Variants in IGF2R observed in about 807,000 individuals in gnomAD.
IGF2R encodes cation-independent mannose-6-phosphate receptor.
In IGF2R, 91 loss-of-function variants were observed where a neutral mutation model predicts 270.6. The ratio of observed to expected loss-of-function variants is 0.34; its 90% CI spans 0.28 to 0.40. The LOEUF is 0.40. IGF2R is among the 10% of genes least tolerant of loss of function. The pLI is 1.00. For synonymous variants in IGF2R, 1,316 were observed against 1,258.9 expected (o/e 1.05, Z -0.96); for missense variants, 2,805 against 3,188.3 (o/e 0.88, Z 2.90).
chr6:160,033,112 G>A lies in IGF2R; in HGVS notation c.1211+5G>A, dbSNP rs201373726. 11 of 1,604,012 alleles carry A rather than the reference G, an allele frequency of 6.9e-6. No individual in the cohort carries two copies. Among genetic ancestry groups the A allele is most frequent in the African/African-American group, 1.3e-5 (1 of 74,662 alleles). ...ATACCACAATCAGACCCTCCGGTAC[G>A]TCAACAACCTCTGTGCGATTTTCCT... is the stretch of plus-strand genomic sequence containing the variant. On this transcript the variant is annotated splice_donor_5th_base_variant and intron_variant, in intron 9 of 47. Transcript: ENST00000356956.
At chr6:160,008,590 G>A (rs913244269) in intron 2 of IGF2R, among the ~76,000 whole-genome samples, 1 of 152,182 alleles carries the variant, frequency 6.6e-6, no homozygotes, top group Non-Finnish European at 1.5e-5. Context: ...TTCAGTGGCT[G>A]AGTTATATAT....
chr6:160,093,378 G>T, intron 44 of IGF2R: 1 of 280,666 alleles, frequency 3.6e-6, no homozygotes, highest in East Asian at 8.1e-5. Flanking sequence ...CTTCCCTCTT[G>T]TTGCCGTTGC....
At position 160,102,836 on chromosome 6, in the gene IGF2R, G is replaced by A. The variant is rs1413734658; in HGVS notation, c.6995+165G>A. ...TCTGGAAGCAGTCCCCAGCGTTGTG[G>A]TTTTTAAATGCCTGCATTTCTGTCT... is the stretch of plus-strand genomic sequence containing the variant. On this transcript the variant is annotated intron_variant, in intron 46 of 47. Coordinates refer to ENST00000356956, the MANE Select transcript of IGF2R (RefSeq NM_000876.4). This position sits in a 1 kb window ranked among gnomAD's most constrained non-coding sequence, Gnocchi z 4.5. Among the ~76,000 whole-genome samples the A allele has an allele frequency of 1.3e-5, 2 of 152,176 alleles. No individual in the cohort carries two copies. Among genetic ancestry groups the A allele is most frequent in the African/African-American group, 4.8e-5 (2 of 41,444 alleles).
At position 159,969,403 on chromosome 6, in the gene IGF2R, G is replaced by C; in HGVS notation, c.149+8G>C. ...GTTCCCCGAGCTGTGCAGGTGGGTG[G>C]CCCGCCCGGACGCAGGCTCCGCTCG... On this transcript the variant is annotated splice_region_variant and intron_variant, in intron 1 of 47. Transcript: ENST00000356956. 8.2e-7 allele frequency: 1 copy of C among 1,223,118 alleles called. No individual in the cohort carries two copies. The highest frequency in any genetic ancestry group is 1.0e-6 in the Non-Finnish European group (1 of 980,942). 75.8% of individuals were successfully genotyped at this position (1,223,118 alleles called of 1,614,324 possible).
chr6:160,100,844 G>A (rs1963529), intron 45 of IGF2R, among the ~76,000 whole-genome samples: 3,507 of 108,598 alleles, frequency 0.032, 96 homozygotes, highest in East Asian at 0.12. Context: ...AGGCTGGAGT[G>A]CAGTGGTGCG....
chr6:160,004,519 A>G lies in IGF2R; in HGVS notation c.290-4491A>G, dbSNP rs1195126023. ...GGTCTGGAGGGGTCTGGCAAGCGCT[A>G]TCTGGAGCACTCAGAGGTGTGGCCT... On this transcript the variant is annotated intron_variant, in intron 2 of 47. Transcript: ENST00000356956. The surrounding 1 kb of genome is among the most constrained non-coding windows in gnomAD (Gnocchi z 5.2). 6.5e-6 allele frequency: 1 copy of G among 153,278 alleles called. No homozygotes were observed. 9.5% of individuals were successfully genotyped at this position (153,278 alleles called of 1,614,324 possible). A position where few individuals can be genotyped will look rare whatever the true frequency, so the allele number is the denominator to read the frequency against.
chr6:160,072,940 C>T, intron 33 of IGF2R, 56 bp downstream of exon 33: 2 of 1,555,348 alleles, frequency 1.3e-6, no homozygotes, highest in Non-Finnish European at 1.7e-6. Context: ...TGGGGTTGTC[C>T]TCAGTCTCTT....
chr6:160,052,143 A>T (rs555662248), intron 19 of IGF2R, among the ~76,000 whole-genome samples: 44 of 152,308 alleles, frequency 2.9e-4, no homozygotes, highest in Admixed American at 1.8e-3. Flanking sequence ...CAGAGATTGC[A>T]GTGAGCTGAG....
intron 2 of IGF2R, among the ~76,000 whole-genome samples, chr6:160,008,424 C>G (rs1447221747): frequency 1.3e-5 from 2 of 152,082 alleles, no homozygotes; most frequent in African/African-American, 4.8e-5. Context: ...CAGTTTATTC[C>G]TATGCCAACC....
rs373318367 is a variant in IGF2R, at chr6:160,010,075, T to G, written c.415-612T>G. ...CCTGTTTTAACTTCAGCTAATTTCC[T>G]TTATGAATTCTGTGTTCACCATACC... On this transcript the variant is annotated intron_variant, in intron 3 of 47. Transcript: ENST00000356956. 1.7e-4 allele frequency among the ~76,000 whole-genome samples: 26 copies of G among 152,372 alleles called. No individual in the cohort carries two copies. In the East Asian group the frequency reaches 3.5e-3, roughly 20 times the overall value.
At chr6:159,986,140 TG>T (rs1190135266) in intron 1 of IGF2R, among the ~76,000 whole-genome samples, 4 of 151,958 alleles carry the variant, frequency 2.6e-5, no homozygotes, top group Admixed American at 2.6e-4. Flanking sequence ...TCAGTTGAGA[TG>T]GAATACAGCA....
Position 160,060,614 on chromosome 6 carries a change from C to T in IGF2R, c.3159C>T (p.Phe1053=). The T allele has an allele frequency of 6.2e-7, 1 of 1,614,236 alleles. No homozygotes were observed. The highest frequency in any genetic ancestry group is 8.5e-7 in the Non-Finnish European group (1 of 1,180,032). ...NDDVYSGPLK[F]LHQDIDSGQG... is the part of the protein sequence containing the mutation. ...ATGTTTACTCAGGGCCCCTCAAATT[C>T]CTGCATCAAGATATCGACTCTGGGC... The change falls in exon 23 of 48, where the codon TTC becomes TTT. Residue 1053 remains phenylalanine, a synonymous_variant. Transcript: ENST00000356956.
chr6:160,081,267 G>C (rs1778976099), intron 39 of IGF2R, among the ~76,000 whole-genome samples: 1 of 152,152 alleles, frequency 6.6e-6, no homozygotes, highest in Non-Finnish European at 1.5e-5. Context: ...GTACAAAAGA[G>C]AGAAATTTTA....
intron 1 of IGF2R, among the ~76,000 whole-genome samples, chr6:159,974,979 A>G (rs1334171285): frequency 2.0e-5 from 3 of 152,194 alleles, no homozygotes; most frequent in Non-Finnish European, 4.4e-5. Context: ...ATGAACAGTC[A>G]TCAACACAGA....
intron 4 of IGF2R, among the ~76,000 whole-genome samples, chr6:160,020,959 T>G (rs575260940): frequency 4.8e-4 from 73 of 152,292 alleles, no homozygotes; most frequent in African/African-American, 1.7e-3. Flanking sequence ...GGGACTTTAT[T>G]AAACTTAAAA....
chr6:160,060,132 A>T (rs1778402880), intron 22 of IGF2R, among the ~76,000 whole-genome samples: 1 of 151,622 alleles, frequency 6.6e-6, no homozygotes, highest in South Asian at 2.1e-4. Flanking sequence ...CGTTGCAGTG[A>T]GTGTGTAAAC....
intron 12 of IGF2R, among the ~76,000 whole-genome samples, chr6:160,044,043 C>A (rs763833678): frequency 2.0e-5 from 3 of 152,148 alleles, no homozygotes; most frequent in Non-Finnish European, 1.5e-5. Context: ...CGGCCTCCTG[C>A]TTGGGTTGCT....
intron 1 of IGF2R, among the ~76,000 whole-genome samples, chr6:159,990,908 G>A (rs191118430): frequency 2.6e-5 from 4 of 152,348 alleles, no homozygotes; most frequent in Admixed American, 2.0e-4. Context: ...GATTACAGAC[G>A]TGAGCCACCA....
At chr6:160,040,053 A>T (rs3777414) in intron 10 of IGF2R, among the ~76,000 whole-genome samples, 2 of 151,978 alleles carry the variant, frequency 1.3e-5, no homozygotes, top group Non-Finnish European at 1.5e-5. Context: ...GCGACTGACT[A>T]TAGATGGCTT....
Sources: allele counts gnomAD v4.1 joint callset (sites outside exome capture counted in the v4.1 genomes callset), GRCh38; gene constraint gnomAD v4.1.1; non-coding constraint Gnocchi (gnomAD v3.1); transcripts MANE v1.5; gene names NCBI Gene and HGNC (gene_info 2026-07-23, HGNC 2026-07-21).